Variants in NPAS3 observed in about 807,000 individuals in gnomAD.
The protein encoded by NPAS3 is neuronal PAS domain protein 3, also known as neuronal PAS domain-containing protein 3.
A neutral mutation model predicts 73.1 loss-of-function variants in NPAS3; 14 were observed. The observed-to-expected ratio is 0.19, with a 90% CI of 0.13 to 0.30. The LOEUF is 0.30. Ranked by LOEUF, NPAS3 falls within the 10% of genes least tolerant of loss-of-function variation. The pLI, the probability that NPAS3 is intolerant of heterozygous loss-of-function variation, is 1.00. For missense variants in NPAS3, 1,096 were observed against 1,250.0 expected (o/e 0.88, Z 1.86); for synonymous variants, 620 against 541.5 (o/e 1.14, Z -2.01).
chr14:33,646,213 G>A (rs1166975961), intron 5 of NPAS3, among the ~76,000 whole-genome samples: 1 of 152,088 alleles, frequency 6.6e-6, no homozygotes, highest in Non-Finnish European at 1.5e-5. Flanking sequence ...GGAGGGAAGG[G>A]ATGTGACAAA....
At chr14:33,546,399 G>C (rs528138756) in intron 4 of NPAS3, among the ~76,000 whole-genome samples, 1 of 152,130 alleles carries the variant, frequency 6.6e-6, no homozygotes, top group Non-Finnish European at 1.5e-5. Flanking sequence ...TGAATAATCC[G>C]TTCAAACTTC....
chr14:33,527,502 G>A (rs2053854158), intron 4 of NPAS3, among the ~76,000 whole-genome samples: 1 of 152,124 alleles, frequency 6.6e-6, no homozygotes, highest in South Asian at 2.1e-4. Flanking sequence ...ACTTCCTTTG[G>A]AGAAAGTGCC....
chr14:33,782,339 C>T lies in NPAS3; in HGVS notation c.1153+3767C>T, dbSNP rs562951745. On this transcript the variant is annotated intron_variant, in intron 9 of 11. Coordinates refer to ENST00000356141, the Ensembl canonical transcript of NPAS3. The stretch of plus-strand genomic sequence containing the variant: ...AGTTACTTATGGTGTCTGTGTGGCT[C>T]TTCAATTATGAGACGTTTCAGTGCA... Among the ~76,000 whole-genome samples, 8 of 152,278 alleles carry T rather than the reference C, an allele frequency of 5.3e-5. No individual in the cohort carries two copies. In the East Asian group the frequency reaches 1.5e-3, roughly 29 times the overall value.
At chr14:33,233,561 A>C (rs1008877538) in intron 3 of NPAS3, among the ~76,000 whole-genome samples, 1 of 152,182 alleles carries the variant, frequency 6.6e-6, no homozygotes, top group East Asian at 1.9e-4. Context: ...GGAACCTGTC[A>C]TCAATCATTC....
intron 1 of NPAS3, among the ~76,000 whole-genome samples, chr14:32,962,569 CTTTTTTTT>C (rs71432096): frequency 9.0e-6 from 1 of 110,612 alleles, no homozygotes; most frequent in African/African-American, 3.7e-5. Flanking sequence ...TTTTTCTTTT[CTTTTTTTT>C]TTTTTTTTTT....
intron 3 of NPAS3, among the ~76,000 whole-genome samples, chr14:33,221,033 G>A (rs913383620): frequency 3.9e-5 from 6 of 152,210 alleles, no homozygotes; most frequent in Non-Finnish European, 7.3e-5. Flanking sequence ...GTTAGGCTGC[G>A]AATTGGCAAG....
At chr14:33,353,730 A>G (rs2045191751) in intron 3 of NPAS3, among the ~76,000 whole-genome samples, 1 of 152,180 alleles carries the variant, frequency 6.6e-6, no homozygotes, top group Non-Finnish European at 1.5e-5. Context: ...AGGATTTCCT[A>G]TTTACGCAGA....
In NPAS3 at chr14:33,096,112, C is replaced by A. The variant is rs1233287557; in HGVS notation, c.140+40118C>A. The stretch of plus-strand genomic sequence containing the variant: ...AAACTTTCACCCTCCCCTTTCTAAT[C>A]TAATATCGTTAGGTTTAGGAAGATT... On this transcript the variant is annotated intron_variant, in intron 2 of 11. Coordinates refer to ENST00000356141, the Ensembl canonical transcript of NPAS3. Among the ~76,000 whole-genome samples the A allele has an allele frequency of 2.0e-5, 3 of 151,646 alleles. No homozygotes were observed. In the East Asian group the frequency reaches 5.8e-4, roughly 29 times the overall value.
At chr14:32,938,386 G>T (rs2035769461), upstream of NPAS3, among the ~76,000 whole-genome samples, 1 of 151,588 alleles carries the variant, frequency 6.6e-6, no homozygotes, top group African/African-American at 2.4e-5. Flanking sequence ...TCCAGAGAAG[G>T]GAAGTGTTTG....
chr14:33,650,165 A>G (rs11846124), intron 5 of NPAS3, among the ~76,000 whole-genome samples: 22,732 of 152,196 alleles, frequency 0.15, 1,970 homozygotes, highest in East Asian at 0.36. Context: ...AAACTCTATA[A>G]GGAAAGCAAA....
At chr14:33,188,182 CAT>C (rs900454628) in intron 2 of NPAS3, among the ~76,000 whole-genome samples, 35 of 152,324 alleles carry the variant, frequency 2.3e-4, no homozygotes, top group African/African-American at 8.4e-4. Flanking sequence ...AGCTCATTGA[CAT>C]ATAGTAAGTA....
At chr14:33,089,647 ACAC>A (rs2042155811) in intron 2 of NPAS3, among the ~76,000 whole-genome samples, 2 of 152,168 alleles carry the variant, frequency 1.3e-5, no homozygotes, top group Non-Finnish European at 2.9e-5. Context: ...AATACAGAGA[ACAC>A]CACAAAGATA....
intron 1 of NPAS3, among the ~76,000 whole-genome samples, chr14:32,964,180 AAAAAAG>A (rs1474425926): frequency 8.6e-5 from 13 of 151,230 alleles, no homozygotes; most frequent in African/African-American, 2.7e-4. Context: ...AAAAAAAAAA[AAAAAAG>A]AGAACATTAA....
At chr14:33,420,778 GC>G (rs996555687) in intron 4 of NPAS3, among the ~76,000 whole-genome samples, 4 of 151,838 alleles carry the variant, frequency 2.6e-5, no homozygotes, top group African/African-American at 9.7e-5. Context: ...ATTTGTTTAT[GC>G]CATAATGTGA....
chr14:33,043,960 TC>T (rs2040422820), intron 1 of NPAS3, among the ~76,000 whole-genome samples: 4 of 152,206 alleles, frequency 2.6e-5, no homozygotes, highest in African/African-American at 9.6e-5. Context: ...TTCCTTTCTT[TC>T]ACACATCTGC....
intron 2 of NPAS3, among the ~76,000 whole-genome samples, chr14:33,176,528 G>A (rs1446478857): frequency 4.6e-5 from 7 of 152,086 alleles, no homozygotes; most frequent in African/African-American, 1.4e-4. Flanking sequence ...TATTTCTTAC[G>A]TGTTGTAGCA....
At chr14:33,506,426 G>A (rs1242786841) in intron 4 of NPAS3, among the ~76,000 whole-genome samples, 1 of 151,994 alleles carries the variant, frequency 6.6e-6, no homozygotes, top group East Asian at 1.9e-4. Context: ...TAAATGGAAG[G>A]ATTAAAAGGA....
chr14:32,959,286 A>G (rs750890404), intron 1 of NPAS3, among the ~76,000 whole-genome samples: 5 of 152,128 alleles, frequency 3.3e-5, no homozygotes, highest in African/African-American at 1.2e-4. Context: ...AAAACCTTTA[A>G]TGCCACACTT....
intron 6 of NPAS3, chr14:33,680,635 C>CTTCTGTAGG (rs1053869569): frequency 2.8e-6 from 2 of 702,676 alleles, no homozygotes; most frequent in Admixed American, 4.0e-5. Flanking sequence ...TGATCAGTTT[C>CTTCTGTAGG]TTCTGTAGGA....
Sources: allele counts gnomAD v4.1 joint callset (sites outside exome capture counted in the v4.1 genomes callset), GRCh38; gene constraint gnomAD v4.1.1; transcripts MANE v1.5; gene names NCBI Gene and HGNC (gene_info 2026-07-23, HGNC 2026-07-21).